RYR3: variants seen among roughly 807,000 people sequenced by gnomAD.
RYR3 encodes the protein brain ryanodine receptor-calcium release channel.
In RYR3, 207 loss-of-function variants were observed where a neutral mutation model predicts 584.3. That is an observed-to-expected ratio of 0.35 (90% CI 0.32 to 0.40). RYR3 has a LOEUF of 0.40. Ranked by LOEUF, RYR3 falls within the 10% of genes least tolerant of loss-of-function variation. RYR3 has a pLI of 1.00. For synonymous variants in RYR3, 2,416 were observed against 2,248.5 expected (o/e 1.07, Z -2.11); for missense variants, 5,616 against 6,089.2 (o/e 0.92, Z 2.59).
At position 33,400,658 on chromosome 15, in the gene RYR3, A is replaced by C. The variant is rs572515718; in HGVS notation, c.52-72761A>C. 2.0e-5 allele frequency among the ~76,000 whole-genome samples: 3 copies of C among 152,310 alleles called. No homozygotes were observed. The South Asian group carries it at 6.2e-4, about 32-fold the overall frequency. On this transcript the variant is annotated intron_variant, in intron 1 of 103. Transcript: ENST00000634891. ...GATAAAGCAACACGGCAATTTTGTA[A>C]GGTAGTAGAGTAGGGGTGCTTGCTT...
intron 27 of RYR3, among the ~76,000 whole-genome samples, chr15:33,638,551 A>G (rs74005915): frequency 0.064 from 9,751 of 152,240 alleles, 332 homozygotes; most frequent in Middle Eastern, 0.1. Context: ...TTAATACTCA[A>G]AGTATGGTCT....
At chr15:33,395,185 A>G (rs2042227789) in intron 1 of RYR3, among the ~76,000 whole-genome samples, 1 of 152,198 alleles carries the variant, frequency 6.6e-6, no homozygotes, top group South Asian at 2.1e-4. Flanking sequence ...ATTGTGGAAA[A>G]CTAGTGCCCG....
chr15:33,362,190 A>G (rs1974862334), intron 1 of RYR3, among the ~76,000 whole-genome samples: 1 of 152,080 alleles, frequency 6.6e-6, no homozygotes, highest in South Asian at 2.1e-4. Flanking sequence ...TGTAAATAGA[A>G]TTCCCCATTG....
chr15:33,628,372 C>T (rs2061100219), intron 20 of RYR3, 99 bp from the exon 21 acceptor site: 2 of 763,610 alleles, frequency 2.6e-6, no homozygotes, highest in African/African-American at 1.7e-5. Context: ...GCAGCTCCTC[C>T]TGGGTGATGT....
intron 60 of RYR3, among the ~76,000 whole-genome samples, chr15:33,761,228 G>T (rs961238080): frequency 6.6e-6 from 1 of 152,038 alleles, no homozygotes. Context: ...TCAAAAGCTA[G>T]CAGAAGACAA....
At position 33,535,262 on chromosome 15, in the gene RYR3, C is replaced by T. The variant is rs141166255; in HGVS notation, c.433+1873C>T. On this transcript the variant is annotated intron_variant, in intron 5 of 103. Transcript: ENST00000634891. ...ATTTTATAGATCTAGAAAAAAAAATCCAGCATCCAAACCGTGTGTACTTGC... is the reference window on the plus strand; with the variant it reads ...ATTTTATAGATCTAGAAAAAAAAATTCAGCATCCAAACCGTGTGTACTTGC... Among the ~76,000 whole-genome samples the T allele has an allele frequency of 3.9e-4, 60 of 152,278 alleles. No individual in the cohort carries two copies. In the East Asian group the frequency reaches 0.011, roughly 29 times the overall value.
intron 86 of RYR3, among the ~76,000 whole-genome samples, chr15:33,832,083 C>T (rs1222813163): frequency 6.6e-6 from 1 of 152,036 alleles, no homozygotes; most frequent in African/African-American, 2.4e-5. Context: ...TGTCTGAGCT[C>T]AGGAGTTCGA....
At chr15:33,359,117 A>G (rs535364778) in intron 1 of RYR3, among the ~76,000 whole-genome samples, 1 of 152,276 alleles carries the variant, frequency 6.6e-6, no homozygotes, top group South Asian at 2.1e-4. Flanking sequence ...CTCTTGCTCC[A>G]ACGGTGTGAT....
intron 1 of RYR3, among the ~76,000 whole-genome samples, chr15:33,380,597 C>T (rs1415063043): frequency 6.6e-6 from 1 of 152,174 alleles, no homozygotes; most frequent in Non-Finnish European, 1.5e-5. Context: ...GTATCAATGC[C>T]AAGGGAGACA....
chr15:33,718,427 TAATTCAG>T (rs549973961), intron 43 of RYR3, among the ~76,000 whole-genome samples: 333 of 152,212 alleles, frequency 2.2e-3, no homozygotes, highest in Non-Finnish European at 2.9e-3. Context: ...CAGTGTTAGA[TAATTCAG>T]ACACAAGGCC....
At chr15:33,734,452 A>C (rs2069234504) in intron 48 of RYR3, among the ~76,000 whole-genome samples, 1 of 152,178 alleles carries the variant, frequency 6.6e-6, no homozygotes, top group African/African-American at 2.4e-5. Flanking sequence ...CACAAAAAGA[A>C]ATCGTTTCCA....
chr15:33,702,581 G>A (rs1255949539), intron 42 of RYR3, among the ~76,000 whole-genome samples: 2 of 152,122 alleles, frequency 1.3e-5, no homozygotes, highest in Admixed American at 1.3e-4. Context: ...AGTTTAAGGG[G>A]CCCCAGGGCT....
chr15:33,474,902 C>A (rs1026973066), intron 2 of RYR3, among the ~76,000 whole-genome samples: 1 of 152,092 alleles, frequency 6.6e-6, no homozygotes, highest in African/African-American at 2.4e-5. Flanking sequence ...ATCTGTGGAT[C>A]CATAAGGATA....
chr15:33,804,326 G>A (rs2076070709), intron 69 of RYR3, among the ~76,000 whole-genome samples: 1 of 152,192 alleles, frequency 6.6e-6, no homozygotes. Flanking sequence ...GGTCCTCAGG[G>A]TAACAAGAGT....
chr15:33,413,752 C>G (rs2043580922), intron 1 of RYR3, among the ~76,000 whole-genome samples: 1 of 152,130 alleles, frequency 6.6e-6, no homozygotes, highest in South Asian at 2.1e-4. Flanking sequence ...TTTCTGGGCC[C>G]CTGAGTCATT....
intron 85 of RYR3, among the ~76,000 whole-genome samples, chr15:33,830,005 C>A (rs2077584152): frequency 6.6e-6 from 1 of 152,154 alleles, no homozygotes; most frequent in Non-Finnish European, 1.5e-5. Flanking sequence ...CATGGATGAG[C>A]AAAGAAAGTG....
chr15:33,616,290 T>C (rs978733291), intron 19 of RYR3, among the ~76,000 whole-genome samples: 1 of 152,340 alleles, frequency 6.6e-6, no homozygotes, highest in South Asian at 2.1e-4. Context: ...TGTTGCATAA[T>C]GATTCTGAAT....
intron 36 of RYR3, among the ~76,000 whole-genome samples, chr15:33,664,614 T>TATATATATATATAA (rs1491296584): frequency 8.3e-6 from 1 of 120,532 alleles, no homozygotes. Context: ...TATATATATA[T>TATATATATATATAA]ACGTATGTAT....
At chr15:33,754,935 G>C (rs2071669839) in intron 57 of RYR3, 130 bp from the exon 58 acceptor site, 3 of 622,396 alleles carry the variant, frequency 4.8e-6, no homozygotes, top group Non-Finnish European at 5.9e-6. Context: ...GTCAAATGAT[G>C]AGTCATGTCA....
Sources: allele counts gnomAD v4.1 joint callset (sites outside exome capture counted in the v4.1 genomes callset), GRCh38; gene constraint gnomAD v4.1.1; transcripts MANE v1.5; gene names NCBI Gene and HGNC (gene_info 2026-07-23, HGNC 2026-07-21).